NXPE4: variants seen among roughly 807,000 people sequenced by gnomAD.
The protein encoded by NXPE4 is NXPE family member 4.
In NXPE4, 42 loss-of-function variants were observed where a neutral mutation model predicts 33.3. The ratio of observed to expected loss-of-function variants is 1.26; its 90% CI spans 0.98 to 1.63. The LOEUF (loss-of-function observed/expected upper bound fraction) is 1.63. Ranked by LOEUF, NXPE4 falls within the 40% of genes most tolerant of loss-of-function variation. NXPE4 has a pLI of 0.00. For missense variants in NXPE4, 709 were observed against 647.6 expected (o/e 1.09, Z -1.03); for synonymous variants, 253 against 234.9 (o/e 1.08, Z -0.71).
chr11:114,625,035 G>A, the NXPE4 span, among the ~76,000 whole-genome samples: 1 of 152,070 alleles, frequency 6.6e-6, no homozygotes, highest in Admixed American at 6.5e-5. Flanking sequence ...TGCCTCGGGG[G>A]TAAACACTGT....
At chr11:114,662,334 T>G in the NXPE4 span, among the ~76,000 whole-genome samples, 1 of 152,112 alleles carries the variant, frequency 6.6e-6, no homozygotes, top group African/African-American at 2.4e-5. Context: ...CACCCACAGA[T>G]AGAGCATTTA....
At chr11:114,609,709 C>T in the NXPE4 span, among the ~76,000 whole-genome samples, 75 of 150,942 alleles carry the variant, frequency 5.0e-4, no homozygotes, top group African/African-American at 1.6e-3. Flanking sequence ...CACTGTTACC[C>T]GGTGGATAAT....
At chr11:114,610,446 C>T in the NXPE4 span, among the ~76,000 whole-genome samples, 8 of 151,926 alleles carry the variant, frequency 5.3e-5, no homozygotes, top group Non-Finnish European at 1.0e-4. Flanking sequence ...CACTGTTTCC[C>T]GGTGGATAAT....
the NXPE4 span, among the ~76,000 whole-genome samples, chr11:114,666,459 T>C: frequency 6.6e-6 from 1 of 152,184 alleles, no homozygotes; most frequent in African/African-American, 2.4e-5. Flanking sequence ...ATAAAACGTG[T>C]ATCCTCACAT....
the NXPE4 span, among the ~76,000 whole-genome samples, chr11:114,609,488 C>T: frequency 4.0e-5 from 6 of 151,798 alleles, no homozygotes; most frequent in Non-Finnish European, 7.4e-5. Context: ...TCTAGGGTAA[C>T]CATTGTTACC....
chr11:114,662,564 C>T, the NXPE4 span, among the ~76,000 whole-genome samples: 3 of 152,114 alleles, frequency 2.0e-5, no homozygotes, highest in African/African-American at 4.8e-5. Flanking sequence ...ACACCAGCTG[C>T]GGTGGCTAAG....
In NXPE4 at chr11:114,582,564, C is replaced by G. The variant is rs1326374226; in HGVS notation, c.554G>C (p.Ser185Thr). 1 of 1,614,180 alleles carries G rather than the reference C, an allele frequency of 6.2e-7. No individual in the cohort carries two copies. Among genetic ancestry groups the G allele is most frequent in the Non-Finnish European group, 8.5e-7 (1 of 1,180,014 alleles). Residue 185 changes from serine (S) to threonine (T), a missense_variant, in exon 3 of 6, where the codon AGT (serine) becomes ACT (threonine). Physicochemically the swap from Ser to Thr is moderately conservative, Grantham distance 58 (BLOSUM62 1). Transcript: ENST00000375478. ...ACTCCAGAGAGCTGACACCCCTTCA[C>G]TGGGGTGGATGAGCAGCAGAGACAG... Reference protein sequence around the residue: ...VSLSLLLIHPSEGVSALWSAR... With the variant: ...VSLSLLLIHPTEGVSALWSAR...
Position 114,582,522 on chromosome 11 carries a change from T to C in NXPE4, c.596A>G (p.Tyr199Cys). ...SALWSARNQG[Y>C]DRVIFTGQFV... ...CTGGCCAGTGAAGATCACCCTGTCA[T>C]AGCCTTGGTTCCTTGCACTCCAGAG... Residue 199 changes from tyrosine (Y) to cysteine (C), a missense_variant, in exon 3 of 6, where the codon TAT (tyrosine) becomes TGT (cysteine). Coordinates refer to ENST00000375478, the MANE Select transcript of NXPE4 (RefSeq NM_001077639.2). The C allele has an allele frequency of 6.2e-7, 1 of 1,614,154 alleles. No individual in the cohort carries two copies. The highest frequency in any genetic ancestry group is 8.5e-7 in the Non-Finnish European group (1 of 1,180,012).
In NXPE4 at chr11:114,571,819, G is replaced by A. The variant is rs1948894751; in HGVS notation, c.1100-346C>T. On this transcript the variant is annotated intron_variant, in intron 5 of 5. Coordinates refer to ENST00000375478, the MANE Select transcript of NXPE4 (RefSeq NM_001077639.2). The stretch of plus-strand genomic sequence containing the variant: ...ATCCATAGACCCTTTGAAGGAACAG[G>A]ATCACCACTGCAGGCTCTCTGAGAT... 2.0e-5 allele frequency among the ~76,000 whole-genome samples: 3 copies of A among 152,266 alleles called. No individual in the cohort carries two copies. The East Asian group carries it at 5.8e-4, about 29-fold the overall frequency.
At chr11:114,611,798 G>A in the NXPE4 span, among the ~76,000 whole-genome samples, 6 of 151,890 alleles carry the variant, frequency 4.0e-5, no homozygotes, top group African/African-American at 1.5e-4. Flanking sequence ...AATAAGTGTT[G>A]CCTCTTGGGA....
chr11:114,592,400 TC>T (rs376478245), intron 2 of NXPE4, among the ~76,000 whole-genome samples: 29 of 151,788 alleles, frequency 1.9e-4, no homozygotes, highest in African/African-American at 5.8e-4. Flanking sequence ...TGAAAAAATA[TC>T]AAAAAAGCAA....
the NXPE4 span, among the ~76,000 whole-genome samples, chr11:114,668,348 C>G: frequency 6.6e-6 from 1 of 151,746 alleles, no homozygotes; most frequent in South Asian, 2.1e-4. Flanking sequence ...CCAGATAAGC[C>G]ACTCCTAAGT....
At chr11:114,599,113 G>T (rs1487620350), upstream of NXPE4, among the ~76,000 whole-genome samples, 2 of 152,094 alleles carry the variant, frequency 1.3e-5, no homozygotes, top group African/African-American at 2.4e-5. Flanking sequence ...TAGCCAGGCT[G>T]CTTCTTGAAC....
At chr11:114,638,030 G>A in the NXPE4 span, among the ~76,000 whole-genome samples, 1 of 151,560 alleles carries the variant, frequency 6.6e-6, no homozygotes, top group Non-Finnish European at 1.5e-5. Context: ...GATTGGGGAA[G>A]TTCTCCTGGA....
chr11:114,626,076 C>A, the NXPE4 span, among the ~76,000 whole-genome samples: 19 of 152,296 alleles, frequency 1.2e-4, no homozygotes, highest in Admixed American at 6.5e-4. Flanking sequence ...GATCAAACTG[C>A]AAGGCGGCAG....
chr11:114,595,099 C>T (rs1242859968), intron 1 of NXPE4, among the ~76,000 whole-genome samples: 1 of 152,128 alleles, frequency 6.6e-6, no homozygotes, highest in East Asian at 1.9e-4. Flanking sequence ...ATCAGGTTCC[C>T]TGTTCTATTC....
the NXPE4 span, among the ~76,000 whole-genome samples, chr11:114,610,431 G>T: frequency 2.6e-5 from 4 of 151,790 alleles, no homozygotes; most frequent in Non-Finnish European, 5.9e-5. Flanking sequence ...TGCCTCTCGG[G>T]TAACCACTGT....
At chr11:114,653,817 C>T in the NXPE4 span, among the ~76,000 whole-genome samples, 6 of 151,870 alleles carry the variant, frequency 4.0e-5, no homozygotes, top group South Asian at 8.3e-4. Flanking sequence ...CGTGAGCCAC[C>T]GCGCCTGGCC....
At chr11:114,661,356 G>A in the NXPE4 span, among the ~76,000 whole-genome samples, 20 of 152,192 alleles carry the variant, frequency 1.3e-4, no homozygotes, top group African/African-American at 4.8e-4. Context: ...GTCTGGTCCA[G>A]TGAGACAGAA....
Sources: allele counts gnomAD v4.1 joint callset (sites outside exome capture counted in the v4.1 genomes callset), GRCh38; gene constraint gnomAD v4.1.1; transcripts MANE v1.5; gene names NCBI Gene and HGNC (gene_info 2026-07-23, HGNC 2026-07-21).